The following PAPPA variants were observed in gnomAD, a reference collection of about 807,000 sequenced individuals.
PAPPA encodes the protein pappalysin 1.
Under a neutral mutation model 164.0 loss-of-function variants are expected in PAPPA, and 60 were observed. The ratio of observed to expected loss-of-function variants is 0.37; its 90% CI spans 0.30 to 0.45. PAPPA has a LOEUF of 0.45. Ranked by LOEUF, PAPPA falls within the 20% of genes least tolerant of loss-of-function variation. The probability of loss-of-function intolerance (pLI) is 1.00; values close to 1 mark genes in which losing one functional copy is unlikely to be tolerated. For missense variants in PAPPA, 1,782 were observed against 2,087.3 expected (o/e 0.85, Z 2.85); for synonymous variants, 875 against 814.1 (o/e 1.07, Z -1.27).
chr9:116,286,324 C>T (rs1845338489), intron 9 of PAPPA: 1 of 152,080 alleles, frequency 6.6e-6, no homozygotes, highest in Admixed American at 6.6e-5. Context: ...AATTGAGCTG[C>T]TTTTTAATAC....
chr9:116,177,778 C>T (rs1041578439), intron 1 of PAPPA, among the ~76,000 whole-genome samples: 2 of 152,164 alleles, frequency 1.3e-5, no homozygotes, highest in African/African-American at 4.8e-5. Flanking sequence ...CTCCTTAGTC[C>T]ACCAGGATCT....
chr9:116,167,763 T>C (rs2118984185), intron 1 of PAPPA, among the ~76,000 whole-genome samples: 1 of 152,332 alleles, frequency 6.6e-6, no homozygotes, highest in South Asian at 2.1e-4. Context: ...GCTCTCAGGA[T>C]GACCCCTTTA....
Position 116,235,737 on chromosome 9 carries a change from G to A in PAPPA, c.2732+100G>A, listed in dbSNP as rs536626125. 37 of 1,115,032 alleles carry A rather than the reference G, an allele frequency of 3.3e-5. No homozygotes were observed. In the African/African-American group the frequency reaches 5.3e-4, roughly 16 times the overall value. 69.1% of individuals were successfully genotyped at this position (1,115,032 alleles called of 1,614,324 possible). A position where few individuals can be genotyped will look rare whatever the true frequency, so the allele number is the denominator to read the frequency against. ...CTGGACAGGGGGAAGGTTCATCACA[G>A]TCAAGACTCACTCTATGGATTGTAA... On this transcript the variant is annotated intron_variant, in intron 7 of 21. Transcript: ENST00000328252.
At chr9:116,311,028 A>G (rs1564220063) in intron 10 of PAPPA, among the ~76,000 whole-genome samples, 1 of 151,404 alleles carries the variant, frequency 6.6e-6, no homozygotes, top group Non-Finnish European at 1.5e-5. Flanking sequence ...CAACTGAGGA[A>G]CAAATCGAAT....
chr9:116,315,522 T>A (rs373996949), intron 10 of PAPPA, among the ~76,000 whole-genome samples: 2 of 152,242 alleles, frequency 1.3e-5, no homozygotes, highest in East Asian at 3.8e-4. Context: ...AAACAGCTTC[T>A]GGAGGCTGAG....
chr9:116,174,197 G>A (rs758264554), intron 1 of PAPPA, among the ~76,000 whole-genome samples: 6 of 152,168 alleles, frequency 3.9e-5, no homozygotes, highest in African/African-American at 1.4e-4. Context: ...GTAAGCATCA[G>A]CTGTCATTGC....
At chr9:116,362,766 T>C in intron 18 of PAPPA, 27 bp downstream of exon 18, 1 of 1,602,772 alleles carries the variant, frequency 6.2e-7, no homozygotes. Context: ...AGGGGAGCAG[T>C]AGGAGGGGCA....
intron 7 of PAPPA, among the ~76,000 whole-genome samples, chr9:116,249,506 T>C (rs1166299091): frequency 6.6e-6 from 1 of 152,124 alleles, no homozygotes; most frequent in African/African-American, 2.4e-5. Context: ...AAGATCTTCA[T>C]TAGATTTGGT....
intron 2 of PAPPA, among the ~76,000 whole-genome samples, chr9:116,193,410 T>G (rs1401666132): frequency 2.0e-5 from 3 of 152,144 alleles, no homozygotes; most frequent in Non-Finnish European, 2.9e-5. Flanking sequence ...ACTTTCCTCT[T>G]CCTTTTCAAT....
chr9:116,321,727 G>A (rs541264466), intron 10 of PAPPA, among the ~76,000 whole-genome samples: 1 of 152,244 alleles, frequency 6.6e-6, no homozygotes, highest in South Asian at 2.1e-4. Context: ...ATAAAGCCTT[G>A]GGAAAGCCAT....
chr9:116,184,986 A>G (rs554672064), intron 1 of PAPPA, among the ~76,000 whole-genome samples: 1 of 152,284 alleles, frequency 6.6e-6, no homozygotes, highest in Non-Finnish European at 1.5e-5. Flanking sequence ...CAACTCCAAA[A>G]CCGAAGAGCA....
At chr9:116,363,094 C>G (rs1453221510) in intron 18 of PAPPA, among the ~76,000 whole-genome samples, 2 of 152,150 alleles carry the variant, frequency 1.3e-5, no homozygotes, top group African/African-American at 4.8e-5. Context: ...GGCTGAGGAG[C>G]AGGAGTTATG....
At chr9:116,155,274 T>C (rs941705634) in intron 1 of PAPPA, among the ~76,000 whole-genome samples, 11 of 152,192 alleles carry the variant, frequency 7.2e-5, no homozygotes, top group African/African-American at 2.7e-4. Context: ...GCTTTTCTCA[T>C]ATGGGACTTT....
intron 19 of PAPPA, 80 bp from the exon 20 acceptor site, chr9:116,377,495 GT>G: frequency 5.3e-6 from 5 of 947,150 alleles, no homozygotes; most frequent in Non-Finnish European, 8.5e-6. Context: ...AAGAGGTGAG[GT>G]GGTTAAATGT....
intron 5 of PAPPA, among the ~76,000 whole-genome samples, chr9:116,220,532 AT>A (rs199759062): frequency 0.063 from 8,540 of 135,198 alleles, 333 homozygotes; most frequent in Admixed American, 0.097. Flanking sequence ...ATATATGCTT[AT>A]ATATGGATAT....
At chr9:116,190,635 A>G (rs769476097) in intron 2 of PAPPA, among the ~76,000 whole-genome samples, 10 of 152,256 alleles carry the variant, frequency 6.6e-5, no homozygotes, top group Non-Finnish European at 2.9e-5. Flanking sequence ...ACTGTGTATC[A>G]TTGAGACAGG....
At chr9:116,338,636 A>G (rs1179624640) in intron 13 of PAPPA, among the ~76,000 whole-genome samples, 4 of 152,196 alleles carry the variant, frequency 2.6e-5, no homozygotes, top group Non-Finnish European at 4.4e-5. Flanking sequence ...CCAACCCACA[A>G]AGGAATTAGT....
Position 116,311,987 on chromosome 9 carries a change from G to A in PAPPA, c.3147+9037G>A, listed in dbSNP as rs552602547. Among the ~76,000 whole-genome samples the A allele has an allele frequency of 2.0e-5, 3 of 152,312 alleles. No individual in the cohort carries two copies. The South Asian group carries it at 6.2e-4, about 32-fold the overall frequency. ...AGTCTTCATTTTTCAGTTGACACTT[G>A]ACTCTTGACTTGAAGCCCAAGAATA... On this transcript the variant is annotated intron_variant, in intron 10 of 21. Transcript: ENST00000328252.
At chr9:116,366,468 T>C (rs1362406624) in intron 18 of PAPPA, among the ~76,000 whole-genome samples, 1 of 152,220 alleles carries the variant, frequency 6.6e-6, no homozygotes, top group Non-Finnish European at 1.5e-5. Flanking sequence ...CTCATTCACT[T>C]ATCCATTTAT....
Sources: allele counts gnomAD v4.1 joint callset (sites outside exome capture counted in the v4.1 genomes callset), GRCh38; gene constraint gnomAD v4.1.1; transcripts MANE v1.5; gene names NCBI Gene and HGNC (gene_info 2026-07-23, HGNC 2026-07-21).